The following GPC6 variants were observed in gnomAD, a reference collection of about 807,000 sequenced individuals.
GPC6 encodes the protein glypican-6.
In GPC6, 14 loss-of-function variants were observed where a neutral mutation model predicts 55.2. The observed-to-expected ratio is 0.25, with a 90% confidence interval of 0.17 to 0.40. The LOEUF is 0.40. Ranked by LOEUF, GPC6 falls within the 10% of genes least tolerant of loss-of-function variation. The probability of loss-of-function intolerance (pLI) is 1.00; values close to 1 mark genes in which losing one functional copy is unlikely to be tolerated. For synonymous variants in GPC6, 278 were observed against 259.6 expected (o/e 1.07, Z -0.68); for missense variants, 641 against 708.5 (o/e 0.90, Z 1.08).
chr13:93,315,341 T>C (rs1487206457), intron 1 of GPC6, among the ~76,000 whole-genome samples: 2 of 152,068 alleles, frequency 1.3e-5, no homozygotes, highest in African/African-American at 4.8e-5. Flanking sequence ...ACCATAATTA[T>C]AGCTCTGTTT....
At chr13:94,279,402 T>G (rs1269606691) in intron 4 of GPC6, among the ~76,000 whole-genome samples, 5 of 151,980 alleles carry the variant, frequency 3.3e-5, no homozygotes, top group Non-Finnish European at 5.9e-5. Context: ...AGCTCCTGGA[T>G]TCGTTGATTT....
intron 1 of GPC6, among the ~76,000 whole-genome samples, chr13:93,376,860 C>T (rs922844724): frequency 1.3e-5 from 2 of 151,312 alleles, no homozygotes; most frequent in African/African-American, 4.9e-5. Context: ...TTTCCAGACA[C>T]TGTCATGTGC....
At chr13:93,238,622 T>G (rs758630430) in intron 1 of GPC6, among the ~76,000 whole-genome samples, 9 of 152,120 alleles carry the variant, frequency 5.9e-5, no homozygotes, top group Admixed American at 5.9e-4. Flanking sequence ...TCAATAGAAG[T>G]AGTGAAAGTG....
intron 1 of GPC6, among the ~76,000 whole-genome samples, chr13:93,292,308 T>C (rs1878344905): frequency 1.3e-5 from 2 of 152,192 alleles, no homozygotes; most frequent in Non-Finnish European, 2.9e-5. Flanking sequence ...TTTAGGAAGA[T>C]TCATGATTTG....
chr13:94,215,276 G>A (rs957671606), intron 4 of GPC6, among the ~76,000 whole-genome samples: 5 of 152,008 alleles, frequency 3.3e-5, no homozygotes, highest in African/African-American at 1.2e-4. Flanking sequence ...AAAATAAAGG[G>A]CTTCTCAACA....
At chr13:93,688,243 C>T (rs1332671863) in intron 2 of GPC6, among the ~76,000 whole-genome samples, 1 of 151,946 alleles carries the variant, frequency 6.6e-6, no homozygotes, top group African/African-American at 2.4e-5. Context: ...TTGAATTCAG[C>T]AGCTAAAGCA....
At chr13:93,903,236 G>T (rs1308025625) in intron 3 of GPC6, among the ~76,000 whole-genome samples, 1 of 152,144 alleles carries the variant, frequency 6.6e-6, no homozygotes, top group Non-Finnish European at 1.5e-5. Context: ...ATACATCAAA[G>T]TAAGATGTAG....
chr13:94,082,373 C>G (rs370994943), intron 4 of GPC6, among the ~76,000 whole-genome samples: 1 of 152,084 alleles, frequency 6.6e-6, no homozygotes, highest in Non-Finnish European at 1.5e-5. Flanking sequence ...AAATACTGTG[C>G]GCTCATGTTT....
At chr13:93,597,058 A>G (rs562554387) in intron 2 of GPC6, among the ~76,000 whole-genome samples, 1 of 151,280 alleles carries the variant, frequency 6.6e-6, no homozygotes, top group Non-Finnish European at 1.5e-5. Flanking sequence ...GTTTCAGCTC[A>G]AGTAGTCAGG....
At chr13:94,088,386 C>T (rs1327975330) in intron 4 of GPC6, among the ~76,000 whole-genome samples, 1 of 151,922 alleles carries the variant, frequency 6.6e-6, no homozygotes, top group Non-Finnish European at 1.5e-5. Flanking sequence ...ATAGAAACAT[C>T]CTTAAGGAGA....
intron 2 of GPC6, among the ~76,000 whole-genome samples, chr13:93,790,851 A>G (rs1886009050): frequency 6.6e-6 from 1 of 152,198 alleles, no homozygotes; most frequent in Non-Finnish European, 1.5e-5. Flanking sequence ...AGAGGAAAGC[A>G]TTAGAGCTCG....
At chr13:93,849,390 C>T (rs959101512) in intron 3 of GPC6, among the ~76,000 whole-genome samples, 1 of 152,056 alleles carries the variant, frequency 6.6e-6, no homozygotes, top group African/African-American at 2.4e-5. Context: ...CATGTTGTTA[C>T]CCAACAGAGT....
chr13:93,847,260 AATACAG>A (rs1888214465), intron 3 of GPC6, among the ~76,000 whole-genome samples: 1 of 152,106 alleles, frequency 6.6e-6, no homozygotes, highest in African/African-American at 2.4e-5. Flanking sequence ...GAGACGCATT[AATACAG>A]GAGGTGGCAC....
chr13:93,362,858 T>C (rs1881091027), intron 1 of GPC6, among the ~76,000 whole-genome samples: 1 of 152,156 alleles, frequency 6.6e-6, no homozygotes, highest in Non-Finnish European at 1.5e-5. Flanking sequence ...ACTCTGCATC[T>C]TTTTAAATAA....
intron 4 of GPC6, among the ~76,000 whole-genome samples, chr13:94,271,368 GCGCGCGCGCGCGCGCACACACACA>G (rs1312414629): frequency 1.6e-4 from 14 of 88,840 alleles, no homozygotes; most frequent in Non-Finnish European, 2.7e-4. Flanking sequence ...ACACACACAC[GCGCGCGCGCGCGCGCACACACACA>G]CACACACACA....
chr13:93,266,139 C>T (rs543526483), intron 1 of GPC6, among the ~76,000 whole-genome samples: 2 of 152,220 alleles, frequency 1.3e-5, no homozygotes, highest in South Asian at 4.1e-4. Context: ...TGTCTGATTT[C>T]CAATAAGCAG....
chr13:93,535,532 A>G (rs900176773), intron 1 of GPC6, among the ~76,000 whole-genome samples: 1 of 152,128 alleles, frequency 6.6e-6, no homozygotes, highest in African/African-American at 2.4e-5. Flanking sequence ...TGGCTGTGTC[A>G]TTATCAAACT....
chr13:93,761,563 C>T (rs943641692), intron 2 of GPC6, among the ~76,000 whole-genome samples: 2 of 152,028 alleles, frequency 1.3e-5, no homozygotes, highest in East Asian at 3.9e-4. Context: ...GGTGCCCAGG[C>T]TGCAGTGCAG....
At chr13:93,581,435 A>G (rs565815252) in intron 2 of GPC6, among the ~76,000 whole-genome samples, 92 of 152,298 alleles carry the variant, frequency 6.0e-4, no homozygotes, top group Non-Finnish European at 1.1e-3. Flanking sequence ...TCCGCCAGGT[A>G]TTGTGGCTCA....
Sources: allele counts gnomAD v4.1 joint callset (sites outside exome capture counted in the v4.1 genomes callset), GRCh38; gene constraint gnomAD v4.1.1; transcripts MANE v1.5; gene names NCBI Gene and HGNC (gene_info 2026-07-23, HGNC 2026-07-21).